Variants in PPP1R12B observed in about 807,000 individuals in gnomAD.
PPP1R12B encodes myosin phosphatase target subunit 2.
In PPP1R12B, 76 loss-of-function variants were observed where a neutral mutation model predicts 126.1. The ratio of observed to expected loss-of-function variants is 0.60; its 90% confidence interval spans 0.50 to 0.73. The LOEUF is 0.73. Ranked by LOEUF, PPP1R12B falls within the 30% of genes least tolerant of loss-of-function variation. PPP1R12B has a pLI of 0.00. For missense variants in PPP1R12B, 1,052 were observed against 1,205.1 expected (o/e 0.87, Z 1.88); for synonymous variants, 356 against 434.7 (o/e 0.82, Z 2.25).
intron 1 of PPP1R12B, among the ~76,000 whole-genome samples, chr1:202,360,475 G>A (rs1420746470): frequency 6.6e-6 from 1 of 152,102 alleles, no homozygotes; most frequent in Non-Finnish European, 1.5e-5. Flanking sequence ...TTGGGAGGCC[G>A]AGGTGGGAGG....
chr1:202,528,690 C>G (rs530005344), intron 18 of PPP1R12B, among the ~76,000 whole-genome samples: 2 of 151,758 alleles, frequency 1.3e-5, no homozygotes, highest in Non-Finnish European at 2.9e-5. Flanking sequence ...GCTGAAGAAA[C>G]TTTATTTCTG....
chr1:202,394,375 T>C (rs1321805888), intron 1 of PPP1R12B, among the ~76,000 whole-genome samples: 1 of 152,210 alleles, frequency 6.6e-6, no homozygotes. Context: ...CTGGACAGTA[T>C]TTTAGCAGGA....
intron 1 of PPP1R12B, among the ~76,000 whole-genome samples, chr1:202,400,889 A>AT (rs1283418101): frequency 1.3e-5 from 2 of 152,258 alleles, no homozygotes; most frequent in Non-Finnish European, 2.9e-5. Context: ...AATGCACTAA[A>AT]TCAGGGGTCA....
intron 10 of PPP1R12B, 85 bp from the exon 11 acceptor site, chr1:202,440,621 A>T: frequency 2.0e-6 from 2 of 976,186 alleles, no homozygotes; most frequent in Non-Finnish European, 3.2e-6. Flanking sequence ...ATATAGGTAT[A>T]TTAAGTTCTG....
At chr1:202,352,039 C>T (rs931046753) in intron 1 of PPP1R12B, among the ~76,000 whole-genome samples, 2 of 152,144 alleles carry the variant, frequency 1.3e-5, no homozygotes, top group African/African-American at 4.8e-5. Context: ...CTGATGAAAG[C>T]CTTGGAAACT....
Position 202,348,962 on chromosome 1 carries a change from G to A in PPP1R12B, c.111G>A (p.Glu37=). The A allele has an allele frequency of 1.2e-5, 19 of 1,601,430 alleles. No individual in the cohort carries two copies. The highest frequency in any genetic ancestry group is 1.6e-5 in the Non-Finnish European group (19 of 1,175,410). Residue 37 remains glutamate (E), a synonymous_variant, in exon 1 of 24, where the codon GAG becomes GAA. Coordinates refer to ENST00000608999, the MANE Select transcript of PPP1R12B (RefSeq NM_002481.4). The part of the protein sequence containing the change: ...RGSLTEQEPA[E]RRGAGRQPLT... ...CGCTGACAGAGCAGGAGCCTGCGGA[G>A]CGACGAGGCGCGGGGCGGCAGCCGC...
chr1:202,478,625 A>G (rs543615482), intron 13 of PPP1R12B, among the ~76,000 whole-genome samples: 4 of 152,256 alleles, frequency 2.6e-5, no homozygotes, highest in Admixed American at 2.6e-4. Context: ...ATAAAAAACT[A>G]TATATAGTTT....
intron 14 of PPP1R12B, among the ~76,000 whole-genome samples, chr1:202,490,939 C>T (rs1678779954): frequency 6.6e-6 from 1 of 152,186 alleles, no homozygotes; most frequent in Non-Finnish European, 1.5e-5. Context: ...AAATATCTCC[C>T]TGAAACCCTG....
chr1:202,419,447 A>G lies in PPP1R12B; in HGVS notation c.422+2530A>G, dbSNP rs2148626272. 6.6e-6 allele frequency among the ~76,000 whole-genome samples: 1 copy of G among 152,306 alleles called. No homozygotes were observed. Among genetic ancestry groups the G allele is most frequent in the Admixed American group, 6.5e-5 (1 of 15,306 alleles). On this transcript the variant is annotated intron_variant, in intron 2 of 23. Transcript: ENST00000608999. This position sits in a 1 kb window ranked among gnomAD's most constrained non-coding sequence, Gnocchi z 4.6. ...GATTCTCAGAGATAAAGTAGAAATT[A>G]CTTCATAGGTTGATATTTATTCTTG...
At chr1:202,456,219 A>C (rs1271900490) in intron 13 of PPP1R12B, among the ~76,000 whole-genome samples, 1 of 151,692 alleles carries the variant, frequency 6.6e-6, no homozygotes, top group Non-Finnish European at 1.5e-5. Flanking sequence ...CAGTGAGCCG[A>C]GATTGTACCA....
At chr1:202,369,691 G>A (rs188340446) in intron 1 of PPP1R12B, 95 of 174,950 alleles carry the variant, frequency 5.4e-4, no homozygotes, top group Non-Finnish European at 7.5e-4. Flanking sequence ...TCTCATTGGC[G>A]TCTGTGAGAG....
intron 18 of PPP1R12B, among the ~76,000 whole-genome samples, chr1:202,548,760 C>T (rs1002972118): frequency 2.8e-5 from 4 of 145,324 alleles, no homozygotes; most frequent in Non-Finnish European, 4.5e-5. Flanking sequence ...ATCATGCGCT[C>T]GCTCACTCGC....
rs1291596201 is a variant in PPP1R12B, at chr1:202,422,761, G to C, written c.541+23G>C. 9.9e-6 allele frequency: 16 copies of C among 1,612,518 alleles called. No homozygotes were observed. The South Asian group carries it at 1.2e-4, about 12-fold the overall frequency. ...AAGGTAACCTCATGGATTGGAGGGG[G>C]CCAGGAAAGATTCTCAAACACTGCC... On this transcript the variant is annotated intron_variant, in intron 3 of 23. Transcript: ENST00000608999.
At chr1:202,547,764 A>G (rs537435431) in intron 18 of PPP1R12B, among the ~76,000 whole-genome samples, 1 of 152,052 alleles carries the variant, frequency 6.6e-6, no homozygotes, top group South Asian at 2.1e-4. Flanking sequence ...GTAGATTAGA[A>G]AGGGAAGTAG....
chr1:202,380,319 AGTT>A (rs1662032703), intron 1 of PPP1R12B, among the ~76,000 whole-genome samples: 1 of 152,238 alleles, frequency 6.6e-6, no homozygotes, highest in East Asian at 1.9e-4. Flanking sequence ...ACAAACAACA[AGTT>A]GTTCTGTGGC....
intron 23 of PPP1R12B, 85 bp downstream of exon 23, chr1:202,569,282 C>G: frequency 7.6e-7 from 1 of 1,314,444 alleles, no homozygotes. Context: ...CCTGCCCCCT[C>G]CAGATTTCAC....
intron 4 of PPP1R12B, among the ~76,000 whole-genome samples, chr1:202,426,432 A>G (rs901554876): frequency 1.3e-5 from 2 of 152,182 alleles, no homozygotes; most frequent in Non-Finnish European, 2.9e-5. Flanking sequence ...CAGGAGTCAA[A>G]TCTTTTCTCT....
chr1:202,523,063 T>C (rs1316652187), intron 18 of PPP1R12B, among the ~76,000 whole-genome samples: 1 of 152,206 alleles, frequency 6.6e-6, no homozygotes, highest in Non-Finnish European at 1.5e-5. Context: ...CTAACAGATA[T>C]ATAGCACACA....
At chr1:202,357,754 G>A (rs1450457587) in intron 1 of PPP1R12B, among the ~76,000 whole-genome samples, 2 of 152,180 alleles carry the variant, frequency 1.3e-5, no homozygotes, top group African/African-American at 2.4e-5. Context: ...AGGGAGGTTA[G>A]TACCAATAAA....
Sources: gnomAD v4.1 joint callset for allele counts (sites outside exome capture counted in the v4.1 genomes callset) on GRCh38, gnomAD v4.1.1 for gene constraint, Gnocchi (gnomAD v3.1) non-coding constraint, MANE v1.5 for transcripts, NCBI Gene and HGNC (gene_info 2026-07-23, HGNC 2026-07-21) for gene names.